USP34: variants seen among roughly 807,000 people sequenced by gnomAD.
USP34 encodes ubiquitin specific peptidase 34, also known as ubiquitin carboxyl-terminal hydrolase 34.
USP34 carries 70 observed loss-of-function variants against 460.3 expected under a neutral mutation model. The observed-to-expected ratio is 0.15, with a 90% CI of 0.13 to 0.19. USP34 has a LOEUF of 0.19. USP34 is among the 10% of genes least tolerant of loss of function. The pLI is 1.00. For missense variants in USP34, 3,985 were observed against 4,236.2 expected (o/e 0.94, Z 1.65); for synonymous variants, 1,647 against 1,405.3 (o/e 1.17, Z -3.85).
chr2:61,201,314 CA>C (rs1484225364), intron 75 of USP34, among the ~76,000 whole-genome samples: 1 of 147,952 alleles, frequency 6.8e-6, no homozygotes, highest in African/African-American at 2.5e-5. Flanking sequence ...CTCCCAGGTT[CA>C]AGCAATTCTC....
At chr2:61,369,234 A>T (rs1309541374) in intron 10 of USP34, among the ~76,000 whole-genome samples, 1 of 152,230 alleles carries the variant, frequency 6.6e-6, no homozygotes, top group African/African-American at 2.4e-5. Flanking sequence ...ATATTCTTTA[A>T]CCTAGTAATT....
At chr2:61,429,337 C>G (rs2103993408) in intron 1 of USP34, among the ~76,000 whole-genome samples, 1 of 152,196 alleles carries the variant, frequency 6.6e-6, no homozygotes, top group Non-Finnish European at 1.5e-5. Context: ...GTCCCAGCTA[C>G]TTGGGAGGCT....
chr2:61,440,663 G>A (rs1026439362), intron 1 of USP34, among the ~76,000 whole-genome samples: 5 of 151,424 alleles, frequency 3.3e-5, no homozygotes, highest in Non-Finnish European at 5.9e-5. Flanking sequence ...GATTAAAGGC[G>A]CCCACCACCA....
chr2:61,402,402 A>C (rs1247368286), intron 3 of USP34, among the ~76,000 whole-genome samples: 3 of 152,210 alleles, frequency 2.0e-5, no homozygotes, highest in African/African-American at 4.8e-5. Context: ...AAAGAGAAGA[A>C]GGAAGGGAGA....
rs571418998 is a variant in USP34 at position 61,310,668 on chromosome 2, CACATAT to C, written c.3817+866_3817+871del. Among the ~76,000 whole-genome samples the C allele has an allele frequency of 4.1e-3, 610 of 150,006 alleles. 3 individuals are homozygous for C. The highest frequency in any genetic ancestry group is 8.6e-3 in the South Asian group (41 of 4,774). On this transcript the variant is annotated intron_variant, in intron 27 of 79. Transcript: ENST00000398571. ...AAAAGATATCAGAAATATATATATACACATATACATATACATATATATATATTAGGC... is the reference window on the plus strand; with the variant it reads ...AAAAGATATCAGAAATATATATATACACATATACATATATATATATTAGGC...
In USP34 at chr2:61,356,478, C is replaced by CGT. The variant is rs1558547139; in HGVS notation, c.1252-5786_1252-5785insAC. 2.0e-3 allele frequency among the ~76,000 whole-genome samples: 265 copies of CGT among 129,840 alleles called. 3 individuals carry two copies. Among genetic ancestry groups the CGT allele is most frequent in the South Asian group, 7.0e-3 (19 of 2,710 alleles). 85.2% of individuals were successfully genotyped at this position (129,840 alleles called of 152,430 possible). ...GCACTCCAGCCTGGGTGAAAGCGCA[C>CGT]ACACACACACACACACACACATACA... On this transcript the variant is annotated intron_variant, in intron 10 of 79. Transcript: ENST00000398571.
chr2:61,262,586 T>C (rs902866340), intron 43 of USP34, among the ~76,000 whole-genome samples: 2 of 152,198 alleles, frequency 1.3e-5, no homozygotes, highest in African/African-American at 4.8e-5. Flanking sequence ...TAGTCCACTG[T>C]TGATGGGCAT....
At chr2:61,208,822 A>C in intron 70 of USP34, 77 bp downstream of exon 70, 1 of 1,094,780 alleles carries the variant, frequency 9.1e-7, no homozygotes, top group Non-Finnish European at 1.3e-6. Flanking sequence ...CATAAACTCT[A>C]AATGTCTATA....
chr2:61,270,319 A>G (rs1689174466), intron 41 of USP34, among the ~76,000 whole-genome samples: 1 of 152,222 alleles, frequency 6.6e-6, no homozygotes, highest in South Asian at 2.1e-4. Flanking sequence ...TCCGTGAATC[A>G]AAAAGTAGGC....
At chr2:61,304,776 T>C (rs1690348540) in intron 27 of USP34, among the ~76,000 whole-genome samples, 1 of 152,226 alleles carries the variant, frequency 6.6e-6, no homozygotes, top group Non-Finnish European at 1.5e-5. Context: ...TGACAACACA[T>C]TAATGTTGAC....
At chr2:61,416,827 G>GGGT (rs1553386504) in intron 2 of USP34, 2 of 390,956 alleles carry the variant, frequency 5.1e-6, no homozygotes, top group Non-Finnish European at 9.0e-6. Flanking sequence ...TTTTTGGGGG[G>GGGT]GGGGACAGGA....
At chr2:61,377,655 T>C (rs553247947) in intron 8 of USP34, among the ~76,000 whole-genome samples, 2 of 152,274 alleles carry the variant, frequency 1.3e-5, no homozygotes, top group Non-Finnish European at 1.5e-5. Context: ...AACTTGACGA[T>C]GCTGCCAACA....
intron 57 of USP34, among the ~76,000 whole-genome samples, chr2:61,234,039 A>T (rs145710172): frequency 1.1e-4 from 17 of 152,326 alleles, no homozygotes; most frequent in African/African-American, 4.1e-4. Context: ...GGATAGATGA[A>T]ACAAGAAAGA....
At chr2:61,353,951 G>A (rs752628734) in intron 10 of USP34, among the ~76,000 whole-genome samples, 2 of 152,060 alleles carry the variant, frequency 1.3e-5, no homozygotes, top group Non-Finnish European at 2.9e-5. Context: ...CAGCATACCC[G>A]TAAGTAGGAC....
At chr2:61,370,040 C>A (rs1321582512) in intron 10 of USP34, among the ~76,000 whole-genome samples, 2 of 143,890 alleles carry the variant, frequency 1.4e-5, no homozygotes, top group Non-Finnish European at 1.5e-5. Flanking sequence ...TACAATAATT[C>A]AGGATAGAAG....
At position 61,236,012 on chromosome 2, in the gene USP34, T is replaced by C. The variant is rs377228735; in HGVS notation, c.6966+14A>G. 7.5e-6 allele frequency: 12 copies of C among 1,604,982 alleles called. No homozygotes were observed. In the African/African-American group the frequency reaches 1.2e-4, roughly 16 times the overall value. The stretch of plus-strand genomic sequence containing the variant: ...ACATAAATGACAAAAAAATCCATAG[T>C]AGAAAACACATACCTTTTCTTTAGA... On this transcript the variant is annotated intron_variant, in intron 56 of 79. Transcript: ENST00000398571.
intron 25 of USP34, among the ~76,000 whole-genome samples, chr2:61,312,324 A>T (rs920667466): frequency 6.6e-6 from 1 of 152,124 alleles, no homozygotes; most frequent in East Asian, 1.9e-4. Context: ...GGACAGAAAC[A>T]TTCTGGTAAA....
chr2:61,386,272 C>G (rs2694655), intron 5 of USP34, among the ~76,000 whole-genome samples: 131,946 of 152,110 alleles, frequency 0.87, 57,454 homozygotes, highest in African/African-American at 0.93. Context: ...AGGAGTTCAA[C>G]ACTAACCTGT....
chr2:61,352,563 A>G (rs1691971377), intron 10 of USP34, among the ~76,000 whole-genome samples: 1 of 151,914 alleles, frequency 6.6e-6, no homozygotes, highest in African/African-American at 2.4e-5. Context: ...CCTAAGCTCA[A>G]GTGATCCTCT....
Sources: allele counts gnomAD v4.1 joint callset (sites outside exome capture counted in the v4.1 genomes callset), GRCh38; gene constraint gnomAD v4.1.1; transcripts MANE v1.5; gene names NCBI Gene and HGNC (gene_info 2026-07-23, HGNC 2026-07-21).